SGCZ: variants seen among roughly 807,000 people sequenced by gnomAD.
The protein encoded by SGCZ is sarcoglycan zeta.
In SGCZ, 40 loss-of-function variants were observed where a neutral mutation model predicts 41.3. That is an observed-to-expected ratio of 0.97 (90% CI 0.75 to 1.26). SGCZ has a LOEUF of 1.26. Ranked by LOEUF, SGCZ falls within the 50% of genes most tolerant of loss-of-function variation. The pLI, the probability that SGCZ is intolerant of heterozygous loss-of-function variation, is 0.00. For synonymous variants in SGCZ, 206 were observed against 137.5 expected (o/e 1.50, Z -3.49); for missense variants, 552 against 369.8 (o/e 1.49, Z -4.04).
chr8:15,102,652 C>T (rs1428234905), intron 1 of SGCZ, among the ~76,000 whole-genome samples: 2 of 152,184 alleles, frequency 1.3e-5, no homozygotes, highest in South Asian at 2.1e-4. Flanking sequence ...CACTCAACTA[C>T]TGCACACTTT....
At chr8:14,547,488 G>C (rs1280463969) in intron 2 of SGCZ, among the ~76,000 whole-genome samples, 1 of 152,036 alleles carries the variant, frequency 6.6e-6, no homozygotes, top group Non-Finnish European at 1.5e-5. Flanking sequence ...CTTCATCAAG[G>C]ACATAAGACA....
chr8:14,963,086 G>A (rs7817131), intron 1 of SGCZ, among the ~76,000 whole-genome samples: 148,395 of 152,278 alleles, frequency 0.97, 72,348 homozygotes, highest in East Asian at 0.99. Flanking sequence ...CCTTTCCATT[G>A]TATTTCTTTA....
chr8:14,895,891 T>G (rs1487567907), intron 1 of SGCZ, among the ~76,000 whole-genome samples: 1 of 152,206 alleles, frequency 6.6e-6, no homozygotes. Flanking sequence ...TTTTATTTAT[T>G]AGAAGTTCTT....
At chr8:14,321,819 T>G (rs1365652) in intron 3 of SGCZ, among the ~76,000 whole-genome samples, 127,421 of 152,044 alleles carry the variant, frequency 0.84, 54,825 homozygotes, top group Non-Finnish European at 0.94. Flanking sequence ...ATTGAAATGT[T>G]TAACAGAATT....
chr8:14,816,367 T>G (rs1033940877), intron 1 of SGCZ, among the ~76,000 whole-genome samples: 1 of 152,200 alleles, frequency 6.6e-6, no homozygotes. Context: ...GACAATTAGT[T>G]AAGTGTGTTA....
chr8:14,684,557 C>T (rs145352544), intron 1 of SGCZ, among the ~76,000 whole-genome samples: 141 of 152,192 alleles, frequency 9.3e-4, no homozygotes, highest in African/African-American at 3.3e-3. Context: ...ATACTGTAAA[C>T]ATGTTGTAGC....
At chr8:14,648,612 A>G (rs1554472742) in intron 1 of SGCZ, among the ~76,000 whole-genome samples, 1 of 151,962 alleles carries the variant, frequency 6.6e-6, no homozygotes, top group African/African-American at 2.4e-5. Flanking sequence ...TTTGTTTTTC[A>G]TTTTCCATTA....
intron 4 of SGCZ, among the ~76,000 whole-genome samples, chr8:14,214,583 G>T (rs192555761): frequency 2.6e-5 from 4 of 152,008 alleles, no homozygotes; most frequent in Non-Finnish European, 4.4e-5. Context: ...ATAAATAGAG[G>T]TTAACAGAAT....
intron 2 of SGCZ, among the ~76,000 whole-genome samples, chr8:14,363,394 G>A (rs1025329994): frequency 2.0e-5 from 3 of 152,076 alleles, no homozygotes; most frequent in African/African-American, 4.8e-5. Context: ...CAGAAACTAC[G>A]ATATGGCACT....
intron 1 of SGCZ, among the ~76,000 whole-genome samples, chr8:14,599,173 T>C (rs1011512119): frequency 6.0e-4 from 91 of 152,170 alleles, no homozygotes; most frequent in African/African-American, 1.7e-3. Flanking sequence ...CTGTCTCTTA[T>C]CTCTTAAACT....
chr8:14,815,928 G>A (rs1331915142), intron 1 of SGCZ, among the ~76,000 whole-genome samples: 1 of 152,060 alleles, frequency 6.6e-6, no homozygotes, highest in African/African-American at 2.4e-5. Flanking sequence ...TTTGATGTTG[G>A]TCCACCCTCT....
intron 4 of SGCZ, among the ~76,000 whole-genome samples, chr8:14,230,277 T>C (rs1432219537): frequency 6.6e-6 from 1 of 152,092 alleles, no homozygotes; most frequent in African/African-American, 2.4e-5. Flanking sequence ...GGCAACTAAA[T>C]CCCAGAGACT....
chr8:14,997,921 C>G (rs531928086), intron 1 of SGCZ, among the ~76,000 whole-genome samples: 12 of 152,124 alleles, frequency 7.9e-5, no homozygotes, highest in African/African-American at 2.9e-4. Context: ...GATGGTGCCA[C>G]TGCACTCCAG....
chr8:14,121,065 C>T (rs1247585596), intron 5 of SGCZ, among the ~76,000 whole-genome samples: 3 of 152,068 alleles, frequency 2.0e-5, no homozygotes, highest in Non-Finnish European at 2.9e-5. Context: ...GTCAATGTGA[C>T]TGTGAAATAG....
rs190748403 is a variant in SGCZ, at chr8:14,370,706, G to A, written c.235-46502C>T. On this transcript the variant is annotated intron_variant, in intron 2 of 7. Coordinates refer to ENST00000382080, the MANE Select transcript of SGCZ (RefSeq NM_139167.4). ...CTATTAAGCATACTAGTTACACAGC[G>A]AGACTTGATTTTTTTCTGTCTAATG... Among the ~76,000 whole-genome samples the A allele has an allele frequency of 5.3e-3, 800 of 151,882 alleles. 3 individuals are homozygous for A. Among genetic ancestry groups the A allele is most frequent in the South Asian group, 0.016 (78 of 4,824 alleles).
chr8:14,316,992 G>C (rs539488702), intron 3 of SGCZ, among the ~76,000 whole-genome samples: 1 of 151,886 alleles, frequency 6.6e-6, no homozygotes, highest in South Asian at 2.1e-4. Context: ...GCAGTGATTA[G>C]TGGCAATTGC....
chr8:14,772,653 C>T (rs1396025591), intron 1 of SGCZ, among the ~76,000 whole-genome samples: 2 of 146,666 alleles, frequency 1.4e-5, no homozygotes, highest in Non-Finnish European at 3.0e-5. Context: ...TGTTCAATTC[C>T]CACCTATGAG....
intron 2 of SGCZ, among the ~76,000 whole-genome samples, chr8:14,546,257 A>G (rs944753427): frequency 2.6e-5 from 4 of 152,154 alleles, no homozygotes; most frequent in African/African-American, 9.7e-5. Context: ...GCCCTGTCTC[A>G]TCTCCAGGGC....
At chr8:14,168,433 G>A (rs1211209180) in intron 4 of SGCZ, among the ~76,000 whole-genome samples, 2 of 152,124 alleles carry the variant, frequency 1.3e-5, no homozygotes, top group Non-Finnish European at 2.9e-5. Context: ...GGACCCAGTG[G>A]GAGGTAATTG....
Sources: allele counts gnomAD v4.1 joint callset (sites outside exome capture counted in the v4.1 genomes callset), GRCh38; gene constraint gnomAD v4.1.1; transcripts MANE v1.5; gene names NCBI Gene and HGNC (gene_info 2026-07-23, HGNC 2026-07-21).